Variants in PRKD2 observed in about 807,000 individuals in gnomAD.
The protein encoded by PRKD2 is protein kinase D2, also known as serine/threonine-protein kinase D2.
A neutral mutation model predicts 86.0 loss-of-function variants in PRKD2; 22 were observed. That is an observed-to-expected ratio of 0.26 (90% CI 0.18 to 0.37). PRKD2 has a LOEUF of 0.37. PRKD2 is among the 10% of genes least tolerant of loss of function. The pLI is 1.00. For missense variants in PRKD2, 818 were observed against 1,199.2 expected (o/e 0.68, Z 4.70); for synonymous variants, 509 against 510.9 (o/e 1.00, Z 0.05).
chr19:46,688,261 C>A (rs546011262), intron 14 of PRKD2, among the ~76,000 whole-genome samples: 2 of 151,852 alleles, frequency 1.3e-5, no homozygotes, highest in Non-Finnish European at 2.9e-5. Context: ...CCTTAGCTTC[C>A]TGAGTAGCTG....
chr19:46,699,088 T>C (rs932442082), intron 7 of PRKD2, among the ~76,000 whole-genome samples: 2 of 152,002 alleles, frequency 1.3e-5, no homozygotes, highest in African/African-American at 2.4e-5. Flanking sequence ...CCAACCCTCT[T>C]CCCCTCGCCC....
At chr19:46,697,630 G>GCGCCTAGCTCCAGCCCCACC in intron 8 of PRKD2, 103 bp downstream of exon 8, 1 of 1,064,486 alleles carries the variant, frequency 9.4e-7, no homozygotes, top group Non-Finnish European at 1.4e-6. Flanking sequence ...GGCCCCGCTC[G>GCGCCTAGCTCCAGCCCCACC]CGCCTAGCTC....
At chr19:46,701,864 C>G (rs183556315) in intron 5 of PRKD2, among the ~76,000 whole-genome samples, 1 of 152,048 alleles carries the variant, frequency 6.6e-6, no homozygotes, top group Admixed American at 6.6e-5. Flanking sequence ...TCCCAGCGTA[C>G]CAAACAAAAC....
chr19:46,712,716 C>T (rs905050622), intron 2 of PRKD2, among the ~76,000 whole-genome samples: 7 of 152,158 alleles, frequency 4.6e-5, no homozygotes, highest in Non-Finnish European at 7.3e-5. Flanking sequence ...TTCATTGAGC[C>T]GGTTTCACTG....
At position 46,678,383 on chromosome 19, in the gene PRKD2, G is replaced by T. The variant is rs751301703; in HGVS notation, c.2338+13C>A. 6.2e-7 allele frequency: 1 copy of T among 1,613,456 alleles called. No individual in the cohort carries two copies. Among genetic ancestry groups the T allele is most frequent in the Admixed American group, 1.7e-5 (1 of 59,948 alleles). The stretch of plus-strand genomic sequence containing the variant: ...CAACCCACCCGCCCATGGGGTAGGC[G>T]GGCCCCAGGCACCTCCAGCTGAGAT... On this transcript the variant is annotated intron_variant, in intron 16 of 17. Coordinates refer to ENST00000291281, the MANE Select transcript of PRKD2 (RefSeq NM_016457.5). The surrounding 1 kb of genome is among the most constrained non-coding windows in gnomAD (Gnocchi z 5.7).
chr19:46,704,483 C>T lies in PRKD2; in HGVS notation c.666+12G>A, dbSNP rs751458022. The T allele has an allele frequency of 3.0e-5, 48 of 1,614,050 alleles. No homozygotes were observed. Among genetic ancestry groups the T allele is most frequent in the Non-Finnish European group, 4.1e-5 (48 of 1,180,040 alleles). ...CCTAGCCACCAACCCGTCCCATCCC[C>T]CATCTCCTCACCAGCTCTTCAGCCG... On this transcript the variant is annotated intron_variant, in intron 4 of 17. Coordinates refer to ENST00000291281, the MANE Select transcript of PRKD2 (RefSeq NM_016457.5).
intron 3 of PRKD2, 34 bp from the exon 4 acceptor site, chr19:46,704,683 G>T (rs773201993): frequency 6.4e-7 from 1 of 1,565,154 alleles, no homozygotes; most frequent in South Asian, 1.2e-5. Flanking sequence ...GAGACATGGC[G>T]TCTGCCCCTC....
rs539623050 is a variant in PRKD2 at position 46,684,137 on chromosome 19, C to A, written c.1972-2389G>T. On this transcript the variant is annotated intron_variant, in intron 14 of 17. Transcript: ENST00000291281. ...TGATTGTTTTCTTTTTTAAAAAAATCTTTTTGTAGAGATGGCATCTCGCTA... is the reference window on the plus strand; with the variant it reads ...TGATTGTTTTCTTTTTTAAAAAAATATTTTTGTAGAGATGGCATCTCGCTA... Among the ~76,000 whole-genome samples, 11 of 152,060 alleles carry A rather than the reference C, an allele frequency of 7.2e-5. 1 individual carries two copies. Among genetic ancestry groups the A allele is most frequent in the Non-Finnish European group, 8.8e-5 (6 of 67,962 alleles).
rs1417875543 is a variant in PRKD2 at position 46,674,676 on chromosome 19, G to A, written c.2484C>T (p.Ile828=). 1 of 1,606,180 alleles carries A rather than the reference G, an allele frequency of 6.2e-7. No homozygotes were observed. Among genetic ancestry groups the A allele is most frequent in the Admixed American group, 1.7e-5 (1 of 59,964 alleles). ...ELEGKMGERY[I]THESDDARWE... ...AGCGCGCGTCGTCACTCTCATGCGT[G>A]ATGTATCGCTCTCCCATCTTCCCCT... is the stretch of plus-strand genomic sequence containing the variant. The change falls in exon 18 of 18, where the codon ATC becomes ATT. Residue 828 remains isoleucine, a synonymous_variant. Coordinates refer to ENST00000291281, the MANE Select transcript of PRKD2 (RefSeq NM_016457.5).
At chr19:46,684,033 G>A (rs1362020486) in intron 14 of PRKD2, among the ~76,000 whole-genome samples, 1 of 83,012 alleles carries the variant, frequency 1.2e-5, no homozygotes, top group East Asian at 2.9e-4. Context: ...AGAAGCAATT[G>A]TACAACTGCA....
At chr19:46,703,230 C>T (rs2053658986) in intron 5 of PRKD2, among the ~76,000 whole-genome samples, 1 of 152,090 alleles carries the variant, frequency 6.6e-6, no homozygotes, top group African/African-American at 2.4e-5. Context: ...TTCTATCATT[C>T]GGAATTCTTG....
intron 14 of PRKD2, among the ~76,000 whole-genome samples, chr19:46,687,616 G>A (rs1268397004): frequency 6.6e-6 from 1 of 152,200 alleles, no homozygotes; most frequent in Non-Finnish European, 1.5e-5. Context: ...GATTAAATGA[G>A]TTTGAAGAGT....
At chr19:46,694,850 G>A (rs551562935) in intron 9 of PRKD2, among the ~76,000 whole-genome samples, 1 of 152,028 alleles carries the variant, frequency 6.6e-6, no homozygotes, top group East Asian at 1.9e-4. Flanking sequence ...GCCGAGGTGG[G>A]CAGATGGCCC....
intron 5 of PRKD2, among the ~76,000 whole-genome samples, chr19:46,702,299 C>T (rs2053648147): frequency 6.6e-6 from 1 of 151,986 alleles, no homozygotes; most frequent in African/African-American, 2.4e-5. Flanking sequence ...CTAAGCCTCC[C>T]AAAGTGCTGG....
intron 15 of PRKD2, among the ~76,000 whole-genome samples, chr19:46,680,946 A>ATATATATATATATAT: frequency 5.2e-4 from 25 of 48,228 alleles, no homozygotes; most frequent in Admixed American, 9.2e-4. Flanking sequence ...ATATATATAT[A>ATATATATATATATAT]TTTTTTTTTT....
intron 16 of PRKD2, among the ~76,000 whole-genome samples, chr19:46,676,703 A>G (rs1377873462): frequency 6.6e-6 from 1 of 152,172 alleles, no homozygotes; most frequent in Non-Finnish European, 1.5e-5. Flanking sequence ...AGGTGCAACC[A>G]CACTTAAATT....
intron 3 of PRKD2, among the ~76,000 whole-genome samples, chr19:46,705,035 A>T (rs2053694694): frequency 1.5e-5 from 2 of 129,702 alleles, no homozygotes; most frequent in South Asian, 5.0e-4. Context: ...TCACACCCAA[A>T]ATTTTCCCAC....
At chr19:46,684,203 C>T (rs2053361072) in intron 14 of PRKD2, among the ~76,000 whole-genome samples, 1 of 151,948 alleles carries the variant, frequency 6.6e-6, no homozygotes, top group Admixed American at 6.6e-5. Context: ...CTCAAATGAT[C>T]TTCCCACCTC....
Position 46,697,871 on chromosome 19 carries a change from G to A in PRKD2, c.1122-21C>T, listed in dbSNP as rs552507471. On this transcript the variant is annotated intron_variant, in intron 7 of 17. Transcript: ENST00000291281. The stretch of plus-strand genomic sequence containing the variant: ...GGGAGCTGCGAAGGAAGAGGAAGGG[G>A]TGAGAAGTCACATGCAGAAAGTGAC... 162 of 1,585,674 alleles carry A rather than the reference G, an allele frequency of 1.0e-4. 1 individual carries two copies. In the South Asian group the frequency reaches 1.6e-3, roughly 16 times the overall value.
Sources: gnomAD v4.1 joint callset for allele counts (sites outside exome capture counted in the v4.1 genomes callset) on GRCh38, gnomAD v4.1.1 for gene constraint, Gnocchi (gnomAD v3.1) non-coding constraint, MANE v1.5 for transcripts, NCBI Gene and HGNC (gene_info 2026-07-23, HGNC 2026-07-21) for gene names.